CDKL1: variants seen among roughly 807,000 people sequenced by gnomAD.
CDKL1 encodes cyclin-dependent kinase-like 1.
Under a neutral mutation model 42.0 loss-of-function variants are expected in CDKL1, and 41 were observed. The ratio of observed to expected loss-of-function variants is 0.98; its 90% CI spans 0.76 to 1.27. CDKL1 has a LOEUF of 1.27. Among genes scored for constraint, CDKL1 ranks in the 50% most tolerant of loss-of-function variants. The probability of loss-of-function intolerance (pLI) is 0.00; values close to 1 mark genes in which losing one functional copy is unlikely to be tolerated. For missense variants in CDKL1, 394 were observed against 428.4 expected (o/e 0.92, Z 0.71); for synonymous variants, 153 against 158.6 (o/e 0.96, Z 0.26).
At chr14:50,377,643 T>C in intron 2 of CDKL1, 1 of 1,264,346 alleles carries the variant, frequency 7.9e-7, no homozygotes, top group Non-Finnish European at 1.0e-6. Context: ...ATAAGTGGGG[T>C]GGGAGGAGCC....
intron 7 of CDKL1, chr14:50,335,968 C>G: frequency 7.3e-7 from 1 of 1,365,334 alleles, no homozygotes; most frequent in South Asian, 1.1e-5. Context: ...TGACAGTAGC[C>G]CCTGTTGCAC....
intron 2 of CDKL1, among the ~76,000 whole-genome samples, chr14:50,384,682 CTTTT>C (rs11285101): frequency 7.1e-6 from 1 of 141,786 alleles, no homozygotes; most frequent in Non-Finnish European, 1.5e-5. Flanking sequence ...GAAAATCTTT[CTTTT>C]TTTTTTTTTT....
At chr14:50,381,075 T>A (rs2034893350) in intron 2 of CDKL1, among the ~76,000 whole-genome samples, 1 of 152,206 alleles carries the variant, frequency 6.6e-6, no homozygotes, top group East Asian at 1.9e-4. Context: ...TGTACAGCCC[T>A]TGGGCACTGC....
intron 8 of CDKL1, chr14:50,334,019 C>A (rs1197139877): frequency 1.3e-5 from 2 of 151,874 alleles, no homozygotes; most frequent in African/African-American, 4.8e-5. Context: ...ACAATCACCA[C>A]CCCCCTGAAA....
chr14:50,380,318 C>CA, intron 2 of CDKL1: 1 of 474,454 alleles, frequency 2.1e-6, no homozygotes. Context: ...CTAACCCCCT[C>CA]AACTCACCTG....
rs994987256 is a variant in CDKL1, at chr14:50,328,920, A to ATATAT, written c.*1153_*1154insATATA. The ATATAT allele has an allele frequency of 1.8e-4, 20 of 110,316 alleles. No individual in the cohort carries two copies. The highest frequency in any genetic ancestry group is 6.8e-4 in the African/African-American group (20 of 29,314). The allele number at this position is 110,316 out of a possible 1,614,324, so 6.8% of individuals were successfully genotyped here. A position where few individuals can be genotyped will look rare whatever the true frequency, so the allele number is the denominator to read the frequency against. Reference sequence around the variant, plus strand: ...GGTGGCAGGTTTTATATATATATATAAAAAACACATATATATATATGTGTG... The same window carrying ATATAT: ...GGTGGCAGGTTTTATATATATATATATATATAAAAACACATATATATATATGTGTG... On this transcript the variant is annotated 3_prime_UTR_variant, in exon 10 of 10. Transcript: ENST00000395834.
chr14:50,360,149 A>G (rs538675584), intron 2 of CDKL1, among the ~76,000 whole-genome samples: 1 of 152,264 alleles, frequency 6.6e-6, no homozygotes, highest in Admixed American at 6.5e-5. Flanking sequence ...AGAATTTTAC[A>G]ATCAAATGTT....
intron 2 of CDKL1, among the ~76,000 whole-genome samples, chr14:50,366,898 C>T (rs2034450891): frequency 6.6e-6 from 1 of 151,830 alleles, no homozygotes; most frequent in Non-Finnish European, 1.5e-5. Context: ...AAGTCACTAG[C>T]TTTGTCTCAT....
chr14:50,372,583 C>T (rs927256487), intron 2 of CDKL1, among the ~76,000 whole-genome samples: 2 of 152,008 alleles, frequency 1.3e-5, no homozygotes, highest in Non-Finnish European at 2.9e-5. Context: ...CTTTTGTTGC[C>T]TATGCTTTTG....
chr14:50,378,441 G>A (rs2034799077), intron 2 of CDKL1: 2 of 1,365,674 alleles, frequency 1.5e-6, no homozygotes, highest in South Asian at 2.3e-5. Context: ...GGCTGGAAAA[G>A]GGGAAATTCA....
At chr14:50,363,845 C>T (rs903354920) in intron 2 of CDKL1, 4 of 152,348 alleles carry the variant, frequency 2.6e-5, no homozygotes, top group African/African-American at 9.6e-5. Flanking sequence ...CTCTGCTTAC[C>T]TCTCCAGCCC....
At chr14:50,394,176 A>G (rs2035336075) in intron 2 of CDKL1, among the ~76,000 whole-genome samples, 1 of 152,224 alleles carries the variant, frequency 6.6e-6, no homozygotes, top group Non-Finnish European at 1.5e-5. Context: ...CAGGTAAATG[A>G]ACCCTTTGAA....
In CDKL1 at chr14:50,326,704, C is replaced by T. The variant is rs764277812; in HGVS notation, c.*3370G>A. ...GCAGATTGCAATATAATAAAGGAAA[C>T]AGTAAAAACTAGTGGGCTATGCTTA... On this transcript the variant is annotated 3_prime_UTR_variant, in exon 10 of 10. Transcript: ENST00000395834. 1.3e-5 allele frequency: 13 copies of T among 985,226 alleles called. No individual in the cohort carries two copies. Among genetic ancestry groups the T allele is most frequent in the Non-Finnish European group, 1.6e-5 (13 of 829,908 alleles). The allele number at this position is 985,226 out of a possible 1,614,324, so 61.0% of individuals were successfully genotyped here. A position where few individuals can be genotyped will look rare whatever the true frequency, so the allele number is the denominator to read the frequency against.
intron 2 of CDKL1, among the ~76,000 whole-genome samples, chr14:50,361,091 C>T (rs1239937763): frequency 6.6e-6 from 1 of 152,014 alleles, no homozygotes; most frequent in Non-Finnish European, 1.5e-5. Flanking sequence ...TTTGTTTCAC[C>T]TACATTCCCC....
At chr14:50,362,001 T>TG (rs528014354) in intron 2 of CDKL1, among the ~76,000 whole-genome samples, 2 of 152,146 alleles carry the variant, frequency 1.3e-5, no homozygotes, top group African/African-American at 4.8e-5. Flanking sequence ...GGCATGGGCT[T>TG]GGGGGGCCCG....
intron 8 of CDKL1, chr14:50,334,285 T>TAGTC (rs141827511): frequency 0.022 from 5,593 of 250,574 alleles, 316 homozygotes; most frequent in African/African-American, 0.12. Context: ...CCCTCCTGAG[T>TAGTC]AGTCGGGATT....
intron 4 of CDKL1, 161 bp from the exon 5 acceptor site, chr14:50,342,383 G>A: frequency 1.4e-6 from 2 of 1,391,096 alleles, no homozygotes; most frequent in Non-Finnish European, 1.9e-6. Flanking sequence ...CTAGTACCAT[G>A]CCTGTCAGAG....
At chr14:50,368,345 C>T (rs1346912693) in intron 2 of CDKL1, among the ~76,000 whole-genome samples, 1 of 152,030 alleles carries the variant, frequency 6.6e-6, no homozygotes, top group Non-Finnish European at 1.5e-5. Flanking sequence ...CAGCCTCAAA[C>T]TCCAGGCTCA....
At chr14:50,335,341 T>C in intron 7 of CDKL1, 1 of 518,092 alleles carries the variant, frequency 1.9e-6, no homozygotes, top group Non-Finnish European at 3.3e-6. Context: ...ATTCTAATTA[T>C]ATAAAGGGAG....
Sources: gnomAD v4.1 joint callset for allele counts (sites outside exome capture counted in the v4.1 genomes callset) on GRCh38, gnomAD v4.1.1 for gene constraint, MANE v1.5 for transcripts, NCBI Gene and HGNC (gene_info 2026-07-23, HGNC 2026-07-21) for gene names.